Variants in KCNJ6 observed in about 807,000 individuals in gnomAD.
KCNJ6 encodes the protein potassium inwardly rectifying channel subfamily J member 6.
A neutral mutation model predicts 34.2 loss-of-function variants in KCNJ6; 9 were observed. The observed-to-expected ratio is 0.26, with a 90% CI of 0.16 to 0.46. KCNJ6 has a LOEUF of 0.46. Ranked by LOEUF, KCNJ6 falls within the 20% of genes least tolerant of loss-of-function variation. The probability of loss-of-function intolerance (pLI) is 1.00; values close to 1 mark genes in which losing one functional copy is unlikely to be tolerated. For synonymous variants in KCNJ6, 196 were observed against 207.1 expected (o/e 0.95, Z 0.46); for missense variants, 236 against 531.3 (o/e 0.44, Z 5.46).
intron 2 of KCNJ6, among the ~76,000 whole-genome samples, chr21:37,837,604 A>T (rs1161662476): frequency 2.0e-5 from 3 of 152,144 alleles, no homozygotes; most frequent in Non-Finnish European, 4.4e-5. Flanking sequence ...AAACATAGAG[A>T]TGTTCTAGTA....
At chr21:37,796,779 CTTTTTTTTT>C (rs1172378200) in intron 2 of KCNJ6, among the ~76,000 whole-genome samples, 1 of 71,476 alleles carries the variant, frequency 1.4e-5, no homozygotes, top group East Asian at 4.8e-4. Flanking sequence ...TTCTTTCTTT[CTTTTTTTTT>C]TTTTTTTTTT....
intron 3 of KCNJ6, among the ~76,000 whole-genome samples, chr21:37,628,557 A>T (rs1301121510): frequency 6.6e-6 from 1 of 152,204 alleles, no homozygotes; most frequent in African/African-American, 2.4e-5. Context: ...GAGCAAGCAT[A>T]CCAACGTACG....
At chr21:37,830,320 G>A (rs551062873) in intron 2 of KCNJ6, among the ~76,000 whole-genome samples, 8 of 152,266 alleles carry the variant, frequency 5.3e-5, no homozygotes, top group African/African-American at 1.9e-4. Context: ...GTCTGAGACT[G>A]ACTAGCAAAT....
chr21:37,738,566 G>A (rs1424764930), intron 2 of KCNJ6, among the ~76,000 whole-genome samples: 5 of 152,210 alleles, frequency 3.3e-5, no homozygotes, highest in African/African-American at 4.8e-5. Flanking sequence ...CAACATTTGC[G>A]AATGATGTGT....
At chr21:37,899,882 G>T (rs1219895113) in intron 1 of KCNJ6, among the ~76,000 whole-genome samples, 1 of 152,216 alleles carries the variant, frequency 6.6e-6, no homozygotes, top group East Asian at 1.9e-4. Context: ...CTATGCAAAG[G>T]TGTTTGCTTG....
At position 37,755,392 on chromosome 21, in the gene KCNJ6, A is replaced by G. The variant is rs549212087; in HGVS notation, c.26-40261T>C. ...CCCTGGGATAGAAGGCTCTTTCCTG[A>G]GACTTTCTTTGTTATCCTAAGTCCT... On this transcript the variant is annotated intron_variant, in intron 2 of 3. Coordinates refer to ENST00000609713, the MANE Select transcript of KCNJ6 (RefSeq NM_002240.5). Among the ~76,000 whole-genome samples the G allele has an allele frequency of 2.0e-5, 3 of 152,346 alleles. 1 individual carries two copies. The South Asian group carries it at 6.2e-4, about 32-fold the overall frequency.
chr21:37,617,152 C>CTTCT lies in KCNJ6; in HGVS notation c.*8003_*8006dup. The CTTCT allele has an allele frequency of 7.4e-6, 1 of 134,574 alleles. No individual in the cohort carries two copies. Among genetic ancestry groups the CTTCT allele is most frequent in the East Asian group, 2.3e-4 (1 of 4,432 alleles). 8.3% of individuals were successfully genotyped at this position (134,574 alleles called of 1,614,324 possible). On this transcript the variant is annotated 3_prime_UTR_variant, in exon 4 of 4. Transcript: ENST00000609713. ...CCTTCTTTCTTTCCTTCCTTCCTTC[C>CTTCT]TTCTTTCTTTATCTTTTTTCCTTCC...
At chr21:37,732,960 G>A (rs1193783977) in intron 2 of KCNJ6, among the ~76,000 whole-genome samples, 2 of 152,170 alleles carry the variant, frequency 1.3e-5, no homozygotes, top group Non-Finnish European at 1.5e-5. Flanking sequence ...TGGCAAGCAA[G>A]CATTCAAGGG....
chr21:37,819,497 T>C (rs980375172), intron 2 of KCNJ6, among the ~76,000 whole-genome samples: 1 of 152,106 alleles, frequency 6.6e-6, no homozygotes, highest in African/African-American at 2.4e-5. Context: ...CATTATGTAT[T>C]TAAGGAAAAA....
intron 1 of KCNJ6, among the ~76,000 whole-genome samples, chr21:37,854,463 T>A (rs1177035271): frequency 6.6e-6 from 1 of 152,134 alleles, no homozygotes; most frequent in African/African-American, 2.4e-5. Flanking sequence ...AATGGAGTAA[T>A]GAGTAGAACG....
intron 1 of KCNJ6, among the ~76,000 whole-genome samples, chr21:37,863,014 G>A (rs1228016778): frequency 2.0e-5 from 3 of 152,210 alleles, no homozygotes; most frequent in African/African-American, 4.8e-5. Context: ...CTCATGAAGA[G>A]CATAGACAAT....
chr21:37,712,922 T>C (rs1277808682), intron 3 of KCNJ6, among the ~76,000 whole-genome samples: 1 of 152,022 alleles, frequency 6.6e-6, no homozygotes, highest in Non-Finnish European at 1.5e-5. Flanking sequence ...ACTTTTGTTA[T>C]TCTTTAAAGC....
intron 1 of KCNJ6, among the ~76,000 whole-genome samples, chr21:37,900,511 T>C (rs1444188967): frequency 2.0e-5 from 3 of 152,194 alleles, no homozygotes; most frequent in Admixed American, 6.5e-5. Context: ...CAAAGCCACA[T>C]GCAATTTGCG....
chr21:37,626,281 C>G (rs1209111628), intron 3 of KCNJ6, among the ~76,000 whole-genome samples: 1 of 152,178 alleles, frequency 6.6e-6, no homozygotes, highest in East Asian at 1.9e-4. Context: ...CAGGTGCACA[C>G]CGCCATGTCC....
chr21:37,800,379 T>C (rs1252963862), intron 2 of KCNJ6, among the ~76,000 whole-genome samples: 1 of 152,208 alleles, frequency 6.6e-6, no homozygotes, highest in African/African-American at 2.4e-5. Flanking sequence ...AAATGTCCAG[T>C]GTTACATTGT....
chr21:37,689,578 T>C (rs1284052522), intron 3 of KCNJ6, among the ~76,000 whole-genome samples: 3 of 152,094 alleles, frequency 2.0e-5, no homozygotes, highest in African/African-American at 7.2e-5. Flanking sequence ...TAATACATAC[T>C]AGGCACTCAG....
In KCNJ6 at chr21:37,611,678, G is replaced by A. The variant is rs960022247; in HGVS notation, c.*13481C>T. ...AATTTGTCCTAGGTATATAAGGCTG[G>A]TTCAACATTCAAAGATCAACTAATG... On this transcript the variant is annotated 3_prime_UTR_variant, in exon 4 of 4. Transcript: ENST00000609713. 2 of 152,100 alleles carry A rather than the reference G, an allele frequency of 1.3e-5. No individual in the cohort carries two copies. Among genetic ancestry groups the A allele is most frequent in the African/African-American group, 4.8e-5 (2 of 41,412 alleles). 9.4% of individuals were successfully genotyped at this position (152,100 alleles called of 1,614,324 possible).
At chr21:37,686,793 G>C (rs74276365) in intron 3 of KCNJ6, among the ~76,000 whole-genome samples, 14,170 of 152,042 alleles carry the variant, frequency 0.093, 1,579 homozygotes, top group African/African-American at 0.26. Flanking sequence ...ATCGGGACAC[G>C]GGTGGAGACA....
At position 37,834,535 on chromosome 21, in the gene KCNJ6, G is replaced by A. The variant is rs139942741; in HGVS notation, c.25+6123C>T. On this transcript the variant is annotated intron_variant, in intron 2 of 3. Transcript: ENST00000609713. ...TGCCTCCTTTGCCCCCAAATGTTGC[G>A]CCTGGTGCAGGCAGGAACCCCATCT... 1.8e-3 allele frequency among the ~76,000 whole-genome samples: 275 copies of A among 152,322 alleles called. 4 individuals are homozygous for A. The South Asian group carries it at 0.022, about 12-fold the overall frequency.
Sources: gnomAD v4.1 joint callset for allele counts (sites outside exome capture counted in the v4.1 genomes callset) on GRCh38, gnomAD v4.1.1 for gene constraint, MANE v1.5 for transcripts, NCBI Gene and HGNC (gene_info 2026-07-23, HGNC 2026-07-21) for gene names.